MAP3K13: variants seen among roughly 807,000 people sequenced by gnomAD.
MAP3K13 encodes leucine zipper-bearing kinase.
In MAP3K13, 52 loss-of-function variants were observed where a neutral mutation model predicts 104.0. The observed-to-expected ratio is 0.50, with a 90% CI of 0.40 to 0.63. The LOEUF (loss-of-function observed/expected upper bound fraction) is 0.63. Ranked by LOEUF, MAP3K13 falls within the 20% of genes least tolerant of loss-of-function variation. MAP3K13 has a pLI of 0.00. For synonymous variants in MAP3K13, 394 were observed against 442.2 expected (o/e 0.89, Z 1.37); for missense variants, 914 against 1,218.5 (o/e 0.75, Z 3.72).
intron 3 of MAP3K13, among the ~76,000 whole-genome samples, chr3:185,440,263 T>C (rs1715252361): frequency 6.6e-6 from 1 of 152,184 alleles, no homozygotes; most frequent in South Asian, 2.1e-4. Context: ...AGAAACCTTG[T>C]CATAGTACAG....
At chr3:185,472,323 C>T (rs531106200) in intron 10 of MAP3K13, among the ~76,000 whole-genome samples, 1 of 151,598 alleles carries the variant, frequency 6.6e-6, no homozygotes, top group Non-Finnish European at 1.5e-5. Context: ...AGCGATTCTC[C>T]TGCCTCAGCC....
At position 185,397,975 on chromosome 3, in the gene MAP3K13, T is replaced by C. The variant is rs182634651; in HGVS notation, c.-85-30522T>C. ...ATAAAGGGAACTGGCAACCTTTCTG[T>C]CTTGTGAAATTACTTGCTGGAAGCT... is the stretch of plus-strand genomic sequence containing the variant. On this transcript the variant is annotated intron_variant, in intron 1 of 13. Transcript: ENST00000265026. Among the ~76,000 whole-genome samples the C allele has an allele frequency of 2.6e-5, 4 of 152,184 alleles. No individual in the cohort carries two copies. In the East Asian group the frequency reaches 7.7e-4, roughly 29 times the overall value.
At position 185,437,729 on chromosome 3, in the gene MAP3K13, T is replaced by C. The variant is rs576253632; in HGVS notation, c.659+99T>C. The C allele has an allele frequency of 3.3e-6, 4 of 1,219,216 alleles. No individual in the cohort carries two copies. In the South Asian group the frequency reaches 6.0e-5, roughly 18 times the overall value. The allele number at this position is 1,219,216 out of a possible 1,614,324, so 75.5% of individuals were successfully genotyped here. ...TTTGAGAGATATTTCAAAAGCATTC[T>C]CTAGACTTAGCACTGTGCTAGGTGC... On this transcript the variant is annotated intron_variant, in intron 3 of 13. Coordinates refer to ENST00000265026, the MANE Select transcript of MAP3K13 (RefSeq NM_004721.5).
At position 185,460,176 on chromosome 3, in the gene MAP3K13, C is replaced by T. The variant is rs73885717; in HGVS notation, c.1279-3374C>T. Among the ~76,000 whole-genome samples, 677 of 152,268 alleles carry T rather than the reference C, an allele frequency of 4.4e-3. 3 individuals are homozygous for T. Among genetic ancestry groups the T allele is most frequent in the African/African-American group, 0.016 (653 of 41,556 alleles). On this transcript the variant is annotated intron_variant, in intron 7 of 13. Coordinates refer to ENST00000265026, the MANE Select transcript of MAP3K13 (RefSeq NM_004721.5). ...CACTTATCCGTGGTACATTCCATGACCCCCAGTGGATGCCTAAACCTTGAA... is the reference window on the plus strand; with the variant it reads ...CACTTATCCGTGGTACATTCCATGATCCCCAGTGGATGCCTAAACCTTGAA...
At chr3:185,355,243 G>T (rs1723302002) in intron 2 of MAP3K13, among the ~76,000 whole-genome samples, 1 of 152,008 alleles carries the variant, frequency 6.6e-6, no homozygotes, top group African/African-American at 2.4e-5. Flanking sequence ...AGGCTGAGGC[G>T]GGCAGATCAC....
intron 2 of MAP3K13, among the ~76,000 whole-genome samples, chr3:185,308,009 C>CTTTTTTTTTTTTTTTTTTTTT (rs33949195): frequency 9.5e-5 from 3 of 31,574 alleles, no homozygotes; most frequent in Non-Finnish European, 1.1e-4. Context: ...TCTTTGGGGT[C>CTTTTTTTTTTTTTTTTTTTTT]TTTTTTTTTT....
At chr3:185,314,422 C>T (rs961373677) in intron 2 of MAP3K13, among the ~76,000 whole-genome samples, 8 of 152,144 alleles carry the variant, frequency 5.3e-5, no homozygotes, top group Middle Eastern at 3.4e-3. Context: ...TTGAGACCAG[C>T]CTGGCCAACA....
At chr3:185,455,309 A>AGATATATATGAGATATATAT (rs1560119064) in intron 7 of MAP3K13, among the ~76,000 whole-genome samples, 14 of 111,360 alleles carry the variant, frequency 1.3e-4, no homozygotes, top group African/African-American at 4.2e-4. Context: ...GATATATATG[A>AGATATATATGAGATATATAT]GATATATATG....
intron 2 of MAP3K13, among the ~76,000 whole-genome samples, chr3:185,303,490 A>C (rs1444894411): frequency 7.0e-6 from 1 of 143,520 alleles, no homozygotes; most frequent in East Asian, 2.0e-4. Flanking sequence ...TTACTGATTC[A>C]CTCTCCTTAC....
chr3:185,418,233 C>T lies in MAP3K13; in HGVS notation c.-85-10264C>T. 3 of 1,609,074 alleles carry T rather than the reference C, an allele frequency of 1.9e-6. No individual in the cohort carries two copies. Among genetic ancestry groups the T allele is most frequent in the East Asian group, 2.2e-5 (1 of 44,864 alleles). On this transcript the variant is annotated intron_variant, in intron 1 of 13. Coordinates refer to ENST00000265026, the MANE Select transcript of MAP3K13 (RefSeq NM_004721.5). This position sits in a 1 kb window ranked among gnomAD's most constrained non-coding sequence, Gnocchi z 4.5. ...CTCTCATTCGCTGAGAGGCATAGAC[C>T]TTTTCGATATCATTCCAGGCTTTAA... is the stretch of plus-strand genomic sequence containing the variant.
chr3:185,309,859 T>A (rs1162311985), intron 2 of MAP3K13, among the ~76,000 whole-genome samples: 3 of 152,120 alleles, frequency 2.0e-5, no homozygotes, highest in Admixed American at 1.3e-4. Flanking sequence ...TCCACAGATA[T>A]AAGGCAAAAT....
intron 2 of MAP3K13, among the ~76,000 whole-genome samples, chr3:185,327,740 C>T (rs1473449086): frequency 2.0e-5 from 3 of 152,068 alleles, no homozygotes; most frequent in Admixed American, 6.6e-5. Context: ...GGTGAAACCC[C>T]GTCTTTACTA....
intron 7 of MAP3K13, among the ~76,000 whole-genome samples, chr3:185,457,139 TC>T (rs1716808348): frequency 1.8e-4 from 3 of 16,508 alleles, no homozygotes; most frequent in Admixed American, 1.0e-3. Context: ...GTTGCCACAG[TC>T]GGGTTCCTCA....
At chr3:185,389,880 TAC>T (rs1185223193) in intron 1 of MAP3K13, among the ~76,000 whole-genome samples, 1 of 152,198 alleles carries the variant, frequency 6.6e-6, no homozygotes, top group African/African-American at 2.4e-5. Flanking sequence ...AAAAAAGAAC[TAC>T]AGTTTCCAAA....
chr3:185,335,036 TAA>T (rs71782020), intron 2 of MAP3K13, among the ~76,000 whole-genome samples: 123 of 144,066 alleles, frequency 8.5e-4, no homozygotes, highest in African/African-American at 2.9e-3. Flanking sequence ...CCAGAAACCT[TAA>T]AAAAAAAAAA....
chr3:185,303,205 C>T (rs929252513), intron 2 of MAP3K13, among the ~76,000 whole-genome samples: 1 of 151,962 alleles, frequency 6.6e-6, no homozygotes, highest in African/African-American at 2.4e-5. Context: ...ATGTATAATC[C>T]CTTTAATATG....
At chr3:185,286,918 A>G (rs1356985306) in intron 2 of MAP3K13, among the ~76,000 whole-genome samples, 1 of 152,164 alleles carries the variant, frequency 6.6e-6, no homozygotes, top group Non-Finnish European at 1.5e-5. Context: ...ACAAACAGCA[A>G]GGCTTTAGGA....
intron 2 of MAP3K13, among the ~76,000 whole-genome samples, chr3:185,357,467 A>G (rs990295894): frequency 7.2e-6 from 1 of 138,552 alleles, no homozygotes; most frequent in Non-Finnish European, 1.6e-5. Flanking sequence ...AAAAAAAAAA[A>G]GAAAAAAAGA....
chr3:185,414,299 G>A (rs574135954), intron 1 of MAP3K13, among the ~76,000 whole-genome samples: 8 of 152,312 alleles, frequency 5.3e-5, no homozygotes, highest in African/African-American at 1.2e-4. Context: ...TGCTATGTGT[G>A]AGTGTAAAGT....
Sources: allele counts gnomAD v4.1 joint callset (sites outside exome capture counted in the v4.1 genomes callset), GRCh38; gene constraint gnomAD v4.1.1; non-coding constraint Gnocchi (gnomAD v3.1); transcripts MANE v1.5; gene names NCBI Gene and HGNC (gene_info 2026-07-23, HGNC 2026-07-21).